The following WDR70 variants were observed in gnomAD, a reference collection of about 807,000 sequenced individuals.
WDR70 encodes WD repeat-containing protein 70.
WDR70 carries 53 observed loss-of-function variants against 88.6 expected under a neutral mutation model. That is an observed-to-expected ratio of 0.60 (90% CI 0.48 to 0.75). WDR70 has a LOEUF of 0.75. Ranked by LOEUF, WDR70 falls within the 30% of genes least tolerant of loss-of-function variation. WDR70 has a pLI of 0.00. For missense variants in WDR70, 610 were observed against 823.2 expected, an observed-to-expected ratio of 0.74 and a Z score of 3.17; for synonymous variants, 280 against 270.0, an observed-to-expected ratio of 1.04 and a Z score of -0.36.
chr5:37,440,547 G>A lies in WDR70; in HGVS notation c.552+2566G>A, dbSNP rs560943583. Among the ~76,000 whole-genome samples, 8 of 152,324 alleles carry A rather than the reference G, an allele frequency of 5.3e-5. No individual in the cohort carries two copies. The East Asian group carries it at 1.5e-3, about 29-fold the overall frequency. ...TTTAGTAGAGATGGGGTTTTGCCAT[G>A]TTGGCCAGGCCGGTCTTGAACTCCT... On this transcript the variant is annotated intron_variant, in intron 6 of 17. Transcript: ENST00000265107.
intron 10 of WDR70, among the ~76,000 whole-genome samples, chr5:37,617,724 A>G (rs561630786): frequency 6.6e-6 from 1 of 152,328 alleles, no homozygotes; most frequent in Non-Finnish European, 1.5e-5. Context: ...TTAAATCTCA[A>G]GGGCTTTATT....
intron 13 of WDR70, among the ~76,000 whole-genome samples, chr5:37,705,956 A>G (rs1008442758): frequency 6.6e-6 from 1 of 152,232 alleles, no homozygotes; most frequent in African/African-American, 2.4e-5. Context: ...AAACCCCTAC[A>G]TGCTTATATT....
At chr5:37,726,519 T>C (rs905407338) in intron 16 of WDR70, among the ~76,000 whole-genome samples, 1 of 152,168 alleles carries the variant, frequency 6.6e-6, no homozygotes, top group African/African-American at 2.4e-5. Flanking sequence ...CCCTAAGATA[T>C]GTTTATTTAA....
intron 9 of WDR70, among the ~76,000 whole-genome samples, chr5:37,598,630 A>G (rs951684295): frequency 6.6e-6 from 1 of 152,220 alleles, no homozygotes; most frequent in Non-Finnish European, 1.5e-5. Flanking sequence ...TTTATCCAGC[A>G]TCTGATAGTG....
chr5:37,696,487 A>C (rs1339512006), intron 10 of WDR70, among the ~76,000 whole-genome samples: 1 of 152,162 alleles, frequency 6.6e-6, no homozygotes, highest in East Asian at 1.9e-4. Flanking sequence ...TTGCTACAAG[A>C]GCAATGGAGA....
In WDR70 at chr5:37,563,276, G is replaced by A. The variant is rs1306298717; in HGVS notation, c.918-41788G>A. Among the ~76,000 whole-genome samples, 75 of 62,410 alleles carry A rather than the reference G, an allele frequency of 1.2e-3. 16 individuals are homozygous for A. The highest frequency in any genetic ancestry group is 3.8e-3 in the African/African-American group (68 of 18,086). 40.9% of individuals were successfully genotyped at this position (62,410 alleles called of 152,430 possible). A position where few individuals can be genotyped will look rare whatever the true frequency, so the allele number is the denominator to read the frequency against. ...CAGGCAGAGGCGCCCCTCACTTTCC[G>A]GATGGGGCGGCTGGCCGGGCGGGGG... On this transcript the variant is annotated intron_variant, in intron 9 of 17. Coordinates refer to ENST00000265107, the MANE Select transcript of WDR70 (RefSeq NM_018034.4).
chr5:37,540,022 A>G (rs975770729), intron 9 of WDR70, among the ~76,000 whole-genome samples: 1 of 152,190 alleles, frequency 6.6e-6, no homozygotes, highest in African/African-American at 2.4e-5. Flanking sequence ...TGAAAAATGA[A>G]CAGTAGTAAC....
chr5:37,633,717 T>A (rs895555867), intron 10 of WDR70, among the ~76,000 whole-genome samples: 1 of 152,138 alleles, frequency 6.6e-6, no homozygotes, highest in Admixed American at 6.5e-5. Flanking sequence ...AGTTTGAAGT[T>A]AACAGCAAAA....
intron 7 of WDR70, 200 bp from the exon 8 acceptor site, chr5:37,479,634 G>C: frequency 1.9e-6 from 1 of 514,218 alleles, no homozygotes; most frequent in African/African-American, 1.9e-5. Flanking sequence ...GCCTCCCAAA[G>C]TATTGGGATT....
intron 6 of WDR70, among the ~76,000 whole-genome samples, chr5:37,439,669 A>G (rs1411418552): frequency 1.3e-5 from 2 of 151,326 alleles, no homozygotes; most frequent in African/African-American, 2.4e-5. Context: ...TCTACATGCA[A>G]ATAAATTTAT....
Position 37,415,956 on chromosome 5 carries a change from G to T in WDR70, c.492+19386G>T, listed in dbSNP as rs180711206. On this transcript the variant is annotated intron_variant, in intron 5 of 17. Coordinates refer to ENST00000265107, the MANE Select transcript of WDR70 (RefSeq NM_018034.4). ...CTCCTCACTTCCTAGATGGGCTGGC[G>T]GCCGGGAAGAGGCGCTTCTCACTTC... Among the ~76,000 whole-genome samples the T allele has an allele frequency of 1.4e-3, 212 of 151,804 alleles. 1 individual carries two copies. The highest frequency in any genetic ancestry group is 6.8e-3 in the Middle Eastern group (2 of 292).
At chr5:37,628,124 A>G (rs1374804435) in intron 10 of WDR70, among the ~76,000 whole-genome samples, 1 of 152,158 alleles carries the variant, frequency 6.6e-6, no homozygotes, top group East Asian at 1.9e-4. Flanking sequence ...GAGTTTCACT[A>G]CATTGCCCAG....
At chr5:37,584,756 C>A (rs1212625735) in intron 9 of WDR70, among the ~76,000 whole-genome samples, 1 of 151,782 alleles carries the variant, frequency 6.6e-6, no homozygotes, top group East Asian at 1.9e-4. Flanking sequence ...GTTCCAGAAG[C>A]CATAGTGAGC....
chr5:37,528,903 A>T (rs1561889572), intron 9 of WDR70, among the ~76,000 whole-genome samples: 16 of 87,158 alleles, frequency 1.8e-4, no homozygotes, highest in South Asian at 3.5e-4. Context: ...CAATGTCTAG[A>T]GGGGGTTTTT....
chr5:37,497,484 C>CCT (rs1740265236), intron 8 of WDR70, among the ~76,000 whole-genome samples: 2 of 140,272 alleles, frequency 1.4e-5, no homozygotes, highest in Non-Finnish European at 3.1e-5. Flanking sequence ...TTCCCTCTTC[C>CCT]CTTCCCTTCC....
At chr5:37,626,967 T>C (rs1007531750) in intron 10 of WDR70, among the ~76,000 whole-genome samples, 6 of 152,188 alleles carry the variant, frequency 3.9e-5, no homozygotes, top group African/African-American at 1.4e-4. Context: ...TTGTGACATA[T>C]CCTCTTCCGT....
At chr5:37,656,827 C>T (rs1745568384) in intron 10 of WDR70, among the ~76,000 whole-genome samples, 1 of 152,214 alleles carries the variant, frequency 6.6e-6, no homozygotes. Context: ...AGGTCAACTT[C>T]AGACTGCTGT....
intron 9 of WDR70, among the ~76,000 whole-genome samples, chr5:37,530,477 C>A (rs527516673): frequency 6.6e-6 from 1 of 151,816 alleles, no homozygotes; most frequent in Non-Finnish European, 1.5e-5. Flanking sequence ...ACTTCAGTCT[C>A]GCTGCTTATT....
chr5:37,496,769 A>T (rs1482965311), intron 8 of WDR70, among the ~76,000 whole-genome samples: 1 of 152,202 alleles, frequency 6.6e-6, no homozygotes, highest in African/African-American at 2.4e-5. Flanking sequence ...TAAGGATGGA[A>T]TTGAGTAGCA....
Sources: allele counts gnomAD v4.1 joint callset (sites outside exome capture counted in the v4.1 genomes callset), GRCh38; gene constraint gnomAD v4.1.1; transcripts MANE v1.5; gene names NCBI Gene and HGNC (gene_info 2026-07-23, HGNC 2026-07-21).